TBCCD1: variants seen among roughly 807,000 people sequenced by gnomAD.
TBCCD1 encodes TBCC domain containing 1.
A neutral mutation model predicts 53.4 loss-of-function variants in TBCCD1; 26 were observed. The ratio of observed to expected loss-of-function variants is 0.49; its 90% confidence interval spans 0.36 to 0.68. TBCCD1 has a LOEUF of 0.68. Ranked by LOEUF, TBCCD1 falls within the 30% of genes least tolerant of loss-of-function variation. TBCCD1 has a pLI of 0.00. For missense variants in TBCCD1, 558 were observed against 669.5 expected (o/e 0.83, Z 1.84); for synonymous variants, 245 against 241.7 (o/e 1.01, Z -0.13).
At chr3:186,550,227 CAAAA>C (rs1313844798) in intron 7 of TBCCD1, among the ~76,000 whole-genome samples, 2 of 72,364 alleles carry the variant, frequency 2.8e-5, no homozygotes. Context: ...GACTCTGCCT[CAAAA>C]AAAAAAAAAA....
chr3:186,567,870 G>GT (rs1380951082), upstream of TBCCD1, among the ~76,000 whole-genome samples: 1 of 152,146 alleles, frequency 6.6e-6, no homozygotes, highest in Non-Finnish European at 1.5e-5. Context: ...CCGCCCCTCG[G>GT]TGTCAGCTCC....
rs770161235 is a variant in TBCCD1 at position 186,558,554 on chromosome 3, G to A, written c.355C>T (p.Gln119Ter). 1 of 1,613,854 alleles carries A rather than the reference G, an allele frequency of 6.2e-7. No homozygotes were observed. Among genetic ancestry groups the A allele is most frequent in the South Asian group, 1.1e-5 (1 of 90,986 alleles). ...TGAATGTATAAGAAGAGCAGAAACT[G>A]TAGCGTGTCCACTGAAAGCTGTCCA... ...QRNQLSVDTL[Q>*]FLLFLYIQQL... is the part of the protein sequence containing the mutation. The change falls in exon 3 of 8, where the codon CAG becomes TAG. Residue 119 changes from glutamine (Q) to a stop codon, truncating the protein, a stop_gained. Coordinates refer to ENST00000338733, the MANE Select transcript of TBCCD1 (RefSeq NM_018138.5). LOFTEE classifies it high-confidence loss of function.
At chr3:186,564,669 A>AG (rs1714777821) in intron 1 of TBCCD1, among the ~76,000 whole-genome samples, 1 of 152,220 alleles carries the variant, frequency 6.6e-6, no homozygotes, top group Non-Finnish European at 1.5e-5. Context: ...AAAATGAATG[A>AG]GGGGAAAAAA....
At chr3:186,562,040 C>T (rs1364305650) in intron 2 of TBCCD1, among the ~76,000 whole-genome samples, 1 of 152,054 alleles carries the variant, frequency 6.6e-6, no homozygotes, top group Non-Finnish European at 1.5e-5. Context: ...ACCATTTGGC[C>T]TTAAAAAAGA....
intron 2 of TBCCD1, among the ~76,000 whole-genome samples, chr3:186,559,048 A>T (rs769623507): frequency 2.6e-5 from 4 of 152,176 alleles, no homozygotes; most frequent in Non-Finnish European, 4.4e-5. Context: ...CCTGGCCAAG[A>T]GTTCCTAAAA....
chr3:186,567,537 C>T (rs1714877197), upstream of TBCCD1: 1 of 152,308 alleles, frequency 6.6e-6, no homozygotes, highest in Non-Finnish European at 1.5e-5. Flanking sequence ...CGCCTTTCAA[C>T]CCGGGGGGGT....
intron 3 of TBCCD1, among the ~76,000 whole-genome samples, chr3:186,557,987 T>A (rs1035417135): frequency 6.6e-6 from 1 of 152,260 alleles, no homozygotes; most frequent in African/African-American, 2.4e-5. Context: ...TGTGAGGCAG[T>A]TAAATTTAGC....
intron 7 of TBCCD1, among the ~76,000 whole-genome samples, chr3:186,548,308 C>A (rs1211077301): frequency 6.6e-6 from 1 of 152,142 alleles, no homozygotes; most frequent in African/African-American, 2.4e-5. Context: ...ATAAAATGTC[C>A]AAAATGGACA....
At chr3:186,569,308 T>TTTTATTTA (rs373378087), upstream of TBCCD1, among the ~76,000 whole-genome samples, 23 of 150,558 alleles carry the variant, frequency 1.5e-4, no homozygotes, top group East Asian at 5.8e-4. Context: ...GACTTTTATT[T>TTTTATTTA]TTTATTTATT....
rs776299840 is a variant in TBCCD1 at position 186,564,049 on chromosome 3, G to C, written c.281C>G (p.Ser94Cys). ...AGACATGCAGTTGGACAGAACCTCA[G>C]ACCATTCCAGGCGCTCCTCAGGTGT... is the stretch of plus-strand genomic sequence containing the variant. ...MKTPEERLEW[S>C]EVLSNCMSEE... is the part of the protein sequence containing the mutation. Residue 94 changes from serine (S) to cysteine (C), a missense_variant, in exon 2 of 8, where the codon TCT becomes TGT. Physicochemically the swap from Ser to Cys is moderately radical, Grantham distance 112 (BLOSUM62 -1). Coordinates refer to ENST00000338733, the MANE Select transcript of TBCCD1 (RefSeq NM_018138.5). 4 of 1,613,992 alleles carry C rather than the reference G, an allele frequency of 2.5e-6. No individual in the cohort carries two copies. In the African/African-American group the frequency reaches 5.3e-5, roughly 22 times the overall value.
At chr3:186,561,767 C>T (rs562226025) in intron 2 of TBCCD1, among the ~76,000 whole-genome samples, 7 of 151,510 alleles carry the variant, frequency 4.6e-5, no homozygotes, top group Admixed American at 3.9e-4. Context: ...CCAGCCTGGG[C>T]GACAGAGCGA....
At chr3:186,567,507 C>T (rs1173759423), upstream of TBCCD1, 1 of 152,218 alleles carries the variant, frequency 6.6e-6, no homozygotes, top group Non-Finnish European at 1.5e-5. Flanking sequence ...TGGAGCCAGA[C>T]CCACCGCTTT....
chr3:186,559,833 C>T (rs1172765822), intron 2 of TBCCD1, among the ~76,000 whole-genome samples: 6 of 152,204 alleles, frequency 3.9e-5, no homozygotes, highest in South Asian at 4.1e-4. Context: ...ATATCACAAT[C>T]AGGATATTGA....
chr3:186,563,861 C>T, intron 2 of TBCCD1, 133 bp downstream of exon 2: 1 of 1,144,328 alleles, frequency 8.7e-7, no homozygotes, highest in East Asian at 2.7e-5. Context: ...GCCGGGAGTT[C>T]AAGACCAGCC....
chr3:186,546,965 A>G lies in TBCCD1; in HGVS notation c.*22-10T>C, dbSNP rs967810685. 1 of 152,202 alleles carries G rather than the reference A, an allele frequency of 6.6e-6. No individual in the cohort carries two copies. The highest frequency in any genetic ancestry group is 1.5e-5 in the Non-Finnish European group (1 of 68,032). The allele number at this position is 152,202 out of a possible 1,614,324, so 9.4% of individuals were successfully genotyped here. A position where few individuals can be genotyped will look rare whatever the true frequency, so the allele number is the denominator to read the frequency against. On this transcript the variant is annotated splice_polypyrimidine_tract_variant and intron_variant, in intron 7 of 7. Coordinates refer to ENST00000338733, the MANE Select transcript of TBCCD1 (RefSeq NM_018138.5). The stretch of plus-strand genomic sequence containing the variant: ...TTGTATTTCCAGGGCCCTGAAGATC[A>G]AAGAAAAAATAATATTAATCACTTA...
In TBCCD1 at chr3:186,558,489, G is replaced by A. The variant is rs763729026; in HGVS notation, c.420C>T (p.Gly140=). Reference sequence around the variant, plus strand: ...TGTTTCTGGGACTGGGCCACTCTTCGCCAATCAAAGATGTCCTTAGGGAGA... The same window carrying A: ...TGTTTCTGGGACTGGGCCACTCTTCACCAATCAAAGATGTCCTTAGGGAGA... The part of the protein sequence containing the change: ...NKVSLRTSLI[G]EEWPSPRNKS... Residue 140 remains glycine (G), a synonymous_variant, in exon 3 of 8, where the codon GGC becomes GGT. Transcript: ENST00000338733. 9 of 1,613,982 alleles carry A rather than the reference G, an allele frequency of 5.6e-6. No individual in the cohort carries two copies. The Admixed American group carries it at 1.0e-4, about 18-fold the overall frequency.
chr3:186,564,507 C>A, intron 1 of TBCCD1, 135 bp from the exon 2 acceptor site: 1 of 565,952 alleles, frequency 1.8e-6, no homozygotes, highest in Non-Finnish European at 3.0e-6. Flanking sequence ...TCTAGTTCAC[C>A]AACCAAGAGC....
At chr3:186,563,626 G>A (rs1316295625) in intron 2 of TBCCD1, among the ~76,000 whole-genome samples, 2 of 152,216 alleles carry the variant, frequency 1.3e-5, no homozygotes, top group Non-Finnish European at 2.9e-5. Flanking sequence ...GGGAGTAGGT[G>A]AGTAAGGTCT....
At chr3:186,565,505 T>C (rs994986308) in intron 1 of TBCCD1, among the ~76,000 whole-genome samples, 10 of 152,374 alleles carry the variant, frequency 6.6e-5, no homozygotes, top group South Asian at 2.1e-4. Context: ...TCAAAAGCTT[T>C]ATAGTATTCT....
Sources: gnomAD v4.1 joint callset for allele counts (sites outside exome capture counted in the v4.1 genomes callset) on GRCh38, gnomAD v4.1.1 for gene constraint, MANE v1.5 for transcripts, NCBI Gene and HGNC (gene_info 2026-07-23, HGNC 2026-07-21) for gene names.